Variants in DOCK5 observed in about 807,000 individuals in gnomAD.
The protein encoded by DOCK5 is dedicator of cytokinesis 5.
In DOCK5, 142 loss-of-function variants were observed where a neutral mutation model predicts 251.8. The observed-to-expected ratio is 0.56, with a 90% CI of 0.49 to 0.65. DOCK5 has a LOEUF of 0.65. Among genes scored for constraint, DOCK5 ranks in the 30% least tolerant of loss-of-function variants. DOCK5 has a pLI of 0.00. For missense variants in DOCK5, 2,111 were observed against 2,312.3 expected, an observed-to-expected ratio of 0.91 and a Z score of 1.79; for synonymous variants, 842 against 835.5, an observed-to-expected ratio of 1.01 and a Z score of -0.13.
At chr8:25,347,335 CT>C (rs1800388144) in intron 26 of DOCK5, among the ~76,000 whole-genome samples, 2 of 152,216 alleles carry the variant, frequency 1.3e-5, no homozygotes, top group African/African-American at 4.8e-5. Context: ...CCCTAAGCCC[CT>C]GTAGCCCACT....
intron 5 of DOCK5, among the ~76,000 whole-genome samples, chr8:25,283,685 C>T (rs1804264067): frequency 1.3e-5 from 2 of 152,190 alleles, no homozygotes; most frequent in African/African-American, 2.4e-5. Flanking sequence ...GCCCCTTATC[C>T]AAGGTCGCTT....
chr8:25,238,472 G>A (rs569659989), intron 1 of DOCK5, among the ~76,000 whole-genome samples: 1 of 152,340 alleles, frequency 6.6e-6, no homozygotes, highest in South Asian at 2.1e-4. Flanking sequence ...TGACGGCGGT[G>A]ATTGGAAATC....
At chr8:25,348,058 G>GT (rs953423649) in intron 26 of DOCK5, among the ~76,000 whole-genome samples, 9 of 152,148 alleles carry the variant, frequency 5.9e-5, no homozygotes, top group African/African-American at 1.7e-4. Flanking sequence ...AAGTCCAATC[G>GT]TTTTTTGTCC....
At chr8:25,280,249 G>T (rs1328229220) in intron 5 of DOCK5, among the ~76,000 whole-genome samples, 2 of 152,132 alleles carry the variant, frequency 1.3e-5, no homozygotes, top group African/African-American at 4.8e-5. Flanking sequence ...AGACTTGATG[G>T]CCTGGGAACC....
chr8:25,308,319 A>G (rs1805000520), intron 11 of DOCK5, among the ~76,000 whole-genome samples: 1 of 152,130 alleles, frequency 6.6e-6, no homozygotes, highest in Non-Finnish European at 1.5e-5. Context: ...TAGGGGGTTG[A>G]CACTAGACAG....
In DOCK5 at chr8:25,337,112, A is replaced by G. The variant is rs73673902; in HGVS notation, c.2327+739A>G. 7.9e-3 allele frequency among the ~76,000 whole-genome samples: 1,200 copies of G among 152,302 alleles called. 16 individuals carry two copies. The highest frequency in any genetic ancestry group is 0.027 in the African/African-American group (1,132 of 41,560). On this transcript the variant is annotated intron_variant, in intron 22 of 51. Coordinates refer to ENST00000276440, the MANE Select transcript of DOCK5 (RefSeq NM_024940.8). The stretch of plus-strand genomic sequence containing the variant: ...TTCTCAGTTAAAGCTTTTATAAATC[A>G]ATAAAAGAATGATAAATAGCCCTAA...
chr8:25,376,370 C>T (rs1800963812), intron 37 of DOCK5: 1 of 984,810 alleles, frequency 1.0e-6, no homozygotes, highest in South Asian at 4.7e-5. Flanking sequence ...TATAAGATCC[C>T]ATCTTTATTA....
At chr8:25,238,048 G>A (rs539157631) in intron 1 of DOCK5, among the ~76,000 whole-genome samples, 5 of 152,328 alleles carry the variant, frequency 3.3e-5, no homozygotes, top group African/African-American at 9.6e-5. Context: ...GGCCCACTAA[G>A]TGCATTAGCT....
chr8:25,229,758 A>G (rs531407871), intron 1 of DOCK5, among the ~76,000 whole-genome samples: 3 of 152,146 alleles, frequency 2.0e-5, no homozygotes, highest in African/African-American at 7.2e-5. Context: ...TGAATGTTTC[A>G]TTTGTTTATT....
intron 45 of DOCK5, among the ~76,000 whole-genome samples, chr8:25,397,853 G>A (rs1415510022): frequency 1.3e-5 from 2 of 151,974 alleles, no homozygotes; most frequent in South Asian, 2.1e-4. Context: ...ACATACATAC[G>A]TACATTTCGG....
chr8:25,251,992 C>CAA (rs35842362), intron 2 of DOCK5, among the ~76,000 whole-genome samples: 1 of 136,296 alleles, frequency 7.3e-6, no homozygotes, highest in Non-Finnish European at 1.6e-5. Context: ...GACTCTATCT[C>CAA]AAAAAAAAAA....
chr8:25,306,451 A>G (rs1804928733), intron 11 of DOCK5, among the ~76,000 whole-genome samples: 1 of 152,176 alleles, frequency 6.6e-6, no homozygotes, highest in Admixed American at 6.5e-5. Context: ...TTACGCCTGT[A>G]ATCCCAGCAC....
chr8:25,199,491 C>T (rs1305953155), intron 1 of DOCK5, among the ~76,000 whole-genome samples: 26 of 147,988 alleles, frequency 1.8e-4, no homozygotes, highest in African/African-American at 5.3e-4. Context: ...TCAAGCAATT[C>T]TCCTGCCTCA....
chr8:25,374,484 A>T, intron 36 of DOCK5, 80 bp from the exon 37 acceptor site: 1 of 1,341,822 alleles, frequency 7.5e-7, no homozygotes, highest in East Asian at 2.3e-5. Flanking sequence ...GCAATACAGC[A>T]AGACCCTGTC....
At chr8:25,334,422 C>CAGAA (rs1456566533) in intron 21 of DOCK5, among the ~76,000 whole-genome samples, 1 of 152,134 alleles carries the variant, frequency 6.6e-6, no homozygotes, top group Non-Finnish European at 1.5e-5. Flanking sequence ...GCGAAATTTC[C>CAGAA]TTAAGGATCC....
Position 25,364,949 on chromosome 8 carries a change from A to G in DOCK5, c.3123+245A>G, listed in dbSNP as rs1175097652. On this transcript the variant is annotated intron_variant, in intron 30 of 51. Transcript: ENST00000276440. ...AAAAATCTTAAAGAGTAATAGTAGAAGATCAAAAATATAAATAGTCCTCCT... is the reference window on the plus strand; with the variant it reads ...AAAAATCTTAAAGAGTAATAGTAGAGGATCAAAAATATAAATAGTCCTCCT... Among the ~76,000 whole-genome samples, 5 of 152,240 alleles carry G rather than the reference A, an allele frequency of 3.3e-5. No homozygotes were observed. In the East Asian group the frequency reaches 9.6e-4, roughly 29 times the overall value.
chr8:25,332,752 T>C, intron 20 of DOCK5, 60 bp downstream of exon 20: 2 of 1,273,744 alleles, frequency 1.6e-6, no homozygotes, highest in Non-Finnish European at 2.2e-6. Flanking sequence ...TTTCAATATT[T>C]CACTATTATA....
intron 18 of DOCK5, 143 bp from the exon 19 acceptor site, chr8:25,332,108 T>C (rs1805696335): frequency 1.9e-6 from 1 of 516,022 alleles, no homozygotes; most frequent in Non-Finnish European, 3.4e-6. Flanking sequence ...AGATAGGAGA[T>C]AGTAAATTAA....
At chr8:25,232,943 AT>A (rs1036880303) in intron 1 of DOCK5, among the ~76,000 whole-genome samples, 2 of 151,740 alleles carry the variant, frequency 1.3e-5, no homozygotes, top group Admixed American at 1.3e-4. Context: ...TTTTCCAGTG[AT>A]TTTTTTCTTA....
Sources: allele counts gnomAD v4.1 joint callset (sites outside exome capture counted in the v4.1 genomes callset), GRCh38; gene constraint gnomAD v4.1.1; transcripts MANE v1.5; gene names NCBI Gene and HGNC (gene_info 2026-07-23, HGNC 2026-07-21).